Variants in ABHD12 observed in about 807,000 individuals in gnomAD.
ABHD12 encodes lysophosphatidylserine lipase ABHD12.
Under a neutral mutation model 58.3 loss-of-function variants are expected in ABHD12, and 43 were observed. That is an observed-to-expected ratio of 0.74 (90% CI 0.58 to 0.95). The LOEUF (loss-of-function observed/expected upper bound fraction) is 0.95, where lower values mean the gene tolerates loss of function less well. ABHD12 is among the 40% of genes least tolerant of loss of function. The pLI, the probability that ABHD12 is intolerant of heterozygous loss-of-function variation, is 0.00. For missense variants in ABHD12, 539 were observed against 537.2 expected (o/e 1.00, Z -0.03); for synonymous variants, 219 against 211.2 (o/e 1.04, Z -0.32).
chr20:25,310,306 G>A (rs1160378723), intron 6 of ABHD12: 1 of 152,338 alleles, frequency 6.6e-6, no homozygotes. Flanking sequence ...GACCCAGGAA[G>A]GGGAAAGGGG....
intron 1 of ABHD12, among the ~76,000 whole-genome samples, chr20:25,363,687 T>G (rs2089782988): frequency 6.6e-6 from 1 of 151,630 alleles, no homozygotes; most frequent in Non-Finnish European, 1.5e-5. Flanking sequence ...ACCAACATGG[T>G]GAAACCCCAT....
chr20:25,357,588 T>A (rs918539225), intron 1 of ABHD12, among the ~76,000 whole-genome samples: 1 of 152,184 alleles, frequency 6.6e-6, no homozygotes, highest in Non-Finnish European at 1.5e-5. Context: ...TCAAAATATG[T>A]TCAAGGGAAA....
chr20:25,372,204 A>G (rs1369238844), intron 1 of ABHD12, among the ~76,000 whole-genome samples: 1 of 151,336 alleles, frequency 6.6e-6, no homozygotes, highest in Non-Finnish European at 1.5e-5. Flanking sequence ...CTGATGATGA[A>G]TTATCTCAGC....
At chr20:25,390,474 C>CGGGG in intron 1 of ABHD12, 39 bp downstream of exon 1, 1 of 1,079,062 alleles carries the variant, frequency 9.3e-7, no homozygotes, top group South Asian at 1.9e-5. Context: ...AAGTGAGGGA[C>CGGGG]CGGCCCCCCC....
chr20:25,311,324 T>A lies in ABHD12; in HGVS notation c.620-1749A>T, dbSNP rs375393460. 3.9e-5 allele frequency among the ~76,000 whole-genome samples: 6 copies of A among 152,244 alleles called. No homozygotes were observed. The South Asian group carries it at 1.0e-3, about 26-fold the overall frequency. On this transcript the variant is annotated intron_variant, in intron 6 of 12. Transcript: ENST00000339157. ...GAGAGGAGTCAGGGTCAGAGCCAGA[T>A]GACCTGGGACTCAATCACAGAAGGG...
intron 1 of ABHD12, among the ~76,000 whole-genome samples, chr20:25,346,232 C>T (rs911232602): frequency 5.3e-5 from 8 of 152,140 alleles, no homozygotes; most frequent in African/African-American, 9.7e-5. Context: ...CAAAAGGCTA[C>T]ATACTATATG....
Position 25,323,389 on chromosome 20 carries a change from G to C in ABHD12, c.358C>G (p.Gln120Glu), listed in dbSNP as rs2089116274. 6.2e-7 allele frequency: 1 copy of C among 1,613,874 alleles called. No homozygotes were observed. The highest frequency in any genetic ancestry group is 1.3e-5 in the African/African-American group (1 of 74,916). Residue 120 changes from glutamine to glutamate, a missense_variant, in exon 3 of 13, where the codon CAA becomes GAA. Physicochemically the swap from Gln to Glu is conservative, Grantham distance 29. Coordinates refer to ENST00000339157, the MANE Select transcript of ABHD12 (RefSeq NM_001042472.3). ...YFIDLKKPQDQGLNHTCNYYL... is the reference protein window; with the variant it reads ...YFIDLKKPQDEGLNHTCNYYL... ...TAGTTACACGTGTGATTCAAACCTT[G>C]ATCCTGTGGTTTTTTCAAATCAATG...
chr20:25,331,491 G>C (rs1258901890), intron 2 of ABHD12, among the ~76,000 whole-genome samples: 1 of 151,964 alleles, frequency 6.6e-6, no homozygotes, highest in Non-Finnish European at 1.5e-5. Flanking sequence ...GCAACACCAA[G>C]ACACATAATT....
intron 2 of ABHD12, among the ~76,000 whole-genome samples, chr20:25,330,644 G>A (rs555889234): frequency 2.1e-3 from 323 of 152,286 alleles, no homozygotes; most frequent in Non-Finnish European, 3.7e-3. Context: ...CTCCTCAAGC[G>A]GGTCCCTGAC....
At chr20:25,348,103 G>C (rs1486409057) in intron 1 of ABHD12, among the ~76,000 whole-genome samples, 1 of 151,946 alleles carries the variant, frequency 6.6e-6, no homozygotes. Flanking sequence ...CCAGCTACTC[G>C]GGAGGCTGAG....
chr20:25,309,558 C>T lies in ABHD12; in HGVS notation c.637G>A (p.Gly213Arg), dbSNP rs1040615583. The part of the protein sequence containing the change: ...FDYRGWGDSV[G>R]TPSERGMTYD... Reference sequence around the variant, plus strand: ...GTCATGCCCCGCTCAGATGGCGTTCCCACTGAGTCACCCCAACCTGGGAGG... The same window carrying T: ...GTCATGCCCCGCTCAGATGGCGTTCTCACTGAGTCACCCCAACCTGGGAGG... Residue 213 changes from glycine to arginine, a missense_variant, in exon 7 of 13, where the codon GGA (glycine) becomes AGA (arginine). Coordinates refer to ENST00000339157, the MANE Select transcript of ABHD12 (RefSeq NM_001042472.3). 6.2e-7 allele frequency: 1 copy of T among 1,614,050 alleles called. No individual in the cohort carries two copies. The highest frequency in any genetic ancestry group is 1.3e-5 in the African/African-American group (1 of 74,944).
intron 2 of ABHD12, among the ~76,000 whole-genome samples, chr20:25,332,553 G>A (rs1475651062): frequency 1.3e-5 from 2 of 151,628 alleles, no homozygotes; most frequent in Non-Finnish European, 2.9e-5. Flanking sequence ...CACATCCTTG[G>A]AAGTAAAGCT....
chr20:25,315,400 C>T (rs117211245), intron 5 of ABHD12, among the ~76,000 whole-genome samples: 2,020 of 152,302 alleles, frequency 0.013, 24 homozygotes, highest in Middle Eastern at 0.031. Context: ...CCCAGTATTT[C>T]TTGGATTTTA....
intron 1 of ABHD12, among the ~76,000 whole-genome samples, chr20:25,369,624 G>A (rs958969449): frequency 5.3e-5 from 8 of 152,282 alleles, no homozygotes; most frequent in Admixed American, 6.5e-5. Context: ...GTGAGACCGC[G>A]TCTCAGTTCA....
chr20:25,324,553 T>G (rs924474003), intron 2 of ABHD12, among the ~76,000 whole-genome samples: 2 of 152,214 alleles, frequency 1.3e-5, no homozygotes, highest in African/African-American at 4.8e-5. Flanking sequence ...TTCCCTCTGG[T>G]GGGTCCTGCC....
chr20:25,390,426 G>A, intron 1 of ABHD12, 87 bp downstream of exon 1: 1 of 1,281,782 alleles, frequency 7.8e-7, no homozygotes, highest in Non-Finnish European at 1.0e-6. Flanking sequence ...GGGAGGGGCT[G>A]GGAGGTACCG....
Position 25,309,531 on chromosome 20 carries a change from A to C in ABHD12, c.664T>G (p.Tyr222Asp). ...CAGTCAAAAACGTGGAGTGCGTCATAGGTCATGCCCCGCTCAGATGGCGTT... is the reference window on the plus strand; with the variant it reads ...CAGTCAAAAACGTGGAGTGCGTCATCGGTCATGCCCCGCTCAGATGGCGTT... ...VGTPSERGMTYDALHVFDWIK... is the reference protein window; with the variant it reads ...VGTPSERGMTDDALHVFDWIK... Residue 222 changes from tyrosine (Y) to aspartate (D), a missense_variant, in exon 7 of 13, where the codon TAT (tyrosine) becomes GAT (aspartate). Physicochemically the swap from Tyr to Asp is radical, Grantham distance 160 (BLOSUM62 -3). Transcript: ENST00000339157. 1 of 1,614,210 alleles carries C rather than the reference A, an allele frequency of 6.2e-7. No homozygotes were observed. The highest frequency in any genetic ancestry group is 8.5e-7 in the Non-Finnish European group (1 of 1,180,028).
intron 11 of ABHD12, among the ~76,000 whole-genome samples, chr20:25,302,795 G>A (rs2088661950): frequency 6.6e-6 from 1 of 152,322 alleles, no homozygotes; most frequent in Admixed American, 6.5e-5. Context: ...GGGCGGCTCT[G>A]CATTCTGCCC....
In ABHD12 at chr20:25,390,496, T is replaced by G; in HGVS notation, c.191+17A>C. On this transcript the variant is annotated intron_variant, in intron 1 of 12. Coordinates refer to ENST00000339157, the MANE Select transcript of ABHD12 (RefSeq NM_001042472.3). Reference sequence around the variant, plus strand: ...GGACCGGCCCCCCCCCCCCCCCCGCTCCGCGCGAAGCCTCACCTGCCCAGC... The same window carrying G: ...GGACCGGCCCCCCCCCCCCCCCCGCGCCGCGCGAAGCCTCACCTGCCCAGC... The G allele has an allele frequency of 1.7e-5, 14 of 808,708 alleles. No individual in the cohort carries two copies. The highest frequency in any genetic ancestry group is 3.2e-5 in the African/African-American group (1 of 31,422). 50.1% of individuals were successfully genotyped at this position (808,708 alleles called of 1,614,324 possible). A position where few individuals can be genotyped will look rare whatever the true frequency, so the allele number is the denominator to read the frequency against.
Sources: allele counts gnomAD v4.1 joint callset (sites outside exome capture counted in the v4.1 genomes callset), GRCh38; gene constraint gnomAD v4.1.1; transcripts MANE v1.5; gene names NCBI Gene and HGNC (gene_info 2026-07-23, HGNC 2026-07-21).